The following PLXNA4 variants were observed in gnomAD, a reference collection of about 807,000 sequenced individuals.
PLXNA4 encodes the protein plexin-A4.
A neutral mutation model predicts 191.8 loss-of-function variants in PLXNA4; 44 were observed. The ratio of observed to expected loss-of-function variants is 0.23; its 90% CI spans 0.18 to 0.29. The LOEUF is 0.29. Ranked by LOEUF, PLXNA4 falls within the 10% of genes least tolerant of loss-of-function variation. The probability of loss-of-function intolerance (pLI) is 1.00; values close to 1 mark genes in which losing one functional copy is unlikely to be tolerated. For missense variants in PLXNA4, 1,800 were observed against 2,488.8 expected (o/e 0.72, Z 5.89); for synonymous variants, 1,082 against 1,009.5 (o/e 1.07, Z -1.36).
intron 3 of PLXNA4, among the ~76,000 whole-genome samples, chr7:132,380,620 A>G (rs10240737): frequency 0.22 from 34,176 of 152,186 alleles, 5,886 homozygotes; most frequent in African/African-American, 0.47. Context: ...AGTCCTCCAC[A>G]GAGAGGCAGA....
intron 1 of PLXNA4, among the ~76,000 whole-genome samples, chr7:132,563,891 GCTC>G (rs529191672): frequency 2.9e-4 from 14 of 48,594 alleles, no homozygotes; most frequent in South Asian, 9.1e-4. Flanking sequence ...TCCTTCTGCT[GCTC>G]CTCCTCCTCC....
At position 132,179,871 on chromosome 7, in the gene PLXNA4, C is replaced by G. The variant is rs762844713; in HGVS notation, c.3690G>C (p.Pro1230=). The change falls in exon 20 of 32, where the codon CCG becomes CCC. Residue 1230 remains proline (P), a synonymous_variant. Coordinates refer to ENST00000321063, the MANE Select transcript of PLXNA4 (RefSeq NM_020911.2). ...EYSPGMVYIA[P]DSPLSLPAIV... ...TGGCGGGCAGGCTGAGCGGGCTGTCCGGGGCAATGTACACCATCCCCGGGG... is the reference window on the plus strand; with the variant it reads ...TGGCGGGCAGGCTGAGCGGGCTGTCGGGGGCAATGTACACCATCCCCGGGG... 1 of 1,613,036 alleles carries G rather than the reference C, an allele frequency of 6.2e-7. No homozygotes were observed. The highest frequency in any genetic ancestry group is 2.2e-5 in the East Asian group (1 of 44,850).
intron 3 of PLXNA4, among the ~76,000 whole-genome samples, chr7:132,406,283 G>A (rs1188925174): frequency 6.6e-6 from 1 of 152,078 alleles, no homozygotes; most frequent in Admixed American, 6.5e-5. Flanking sequence ...TATTTTTTCC[G>A]TGGCCCATAA....
intron 3 of PLXNA4, among the ~76,000 whole-genome samples, chr7:132,369,724 G>T (rs1167554227): frequency 6.6e-6 from 1 of 152,050 alleles, no homozygotes; most frequent in African/African-American, 2.4e-5. Flanking sequence ...ATAGAGGAGT[G>T]ATTTTGATTC....
chr7:132,404,790 T>C (rs1478970137), intron 3 of PLXNA4, among the ~76,000 whole-genome samples: 1 of 152,054 alleles, frequency 6.6e-6, no homozygotes, highest in Non-Finnish European at 1.5e-5. Flanking sequence ...TGGTGTAGGT[T>C]GTGATTATTA....
intron 3 of PLXNA4, among the ~76,000 whole-genome samples, chr7:132,412,106 C>T (rs190695241): frequency 8.5e-5 from 13 of 152,326 alleles, no homozygotes; most frequent in Admixed American, 8.5e-4. Context: ...CAGCTCCTCA[C>T]ATTCTTTAGG....
chr7:132,344,189 C>A (rs1251202838), intron 3 of PLXNA4, among the ~76,000 whole-genome samples: 2 of 152,272 alleles, frequency 1.3e-5, no homozygotes, highest in African/African-American at 4.8e-5. Flanking sequence ...CTGTCCACAG[C>A]ACAGAAGGGG....
At position 132,194,164 on chromosome 7, in the gene PLXNA4, C is replaced by G. The variant is rs199612236; in HGVS notation, c.2754G>C (p.Met918Ile). The change falls in exon 14 of 32, where the codon ATG (methionine) becomes ATC (isoleucine). Residue 918 changes from methionine (M) to isoleucine (I), a missense_variant. This residue lies in a region of PLXNA4 where 1,397 missense variants were observed against 1,880.4 expected (regional missense o/e 0.74). Transcript: ENST00000321063. ...YIPAEQIVCE[M>I]GEAKPSQHAG... ...CATGCTGGCTGGGCTTGGCCTCCCC[C>G]ATCTCACACACGATCCTGCAGGGAG... is the stretch of plus-strand genomic sequence containing the variant. 412 of 1,613,614 alleles carry G rather than the reference C, an allele frequency of 2.6e-4. 3 individuals carry two copies. The highest frequency in any genetic ancestry group is 4.2e-5 in the Non-Finnish European group (50 of 1,179,652).
chr7:132,206,841 G>C (rs903064821), intron 10 of PLXNA4, among the ~76,000 whole-genome samples: 1 of 152,134 alleles, frequency 6.6e-6, no homozygotes, highest in Non-Finnish European at 1.5e-5. Flanking sequence ...ATAGCTCTCT[G>C]TAATCAGCAG....
At chr7:132,269,467 C>T (rs1468794949) in intron 4 of PLXNA4, among the ~76,000 whole-genome samples, 2 of 151,200 alleles carry the variant, frequency 1.3e-5, no homozygotes, top group Non-Finnish European at 2.9e-5. Flanking sequence ...AAGGATGCTG[C>T]TCATGATGCC....
upstream of PLXNA4, among the ~76,000 whole-genome samples, chr7:132,582,031 G>C (rs1802411382): frequency 1.3e-5 from 2 of 152,220 alleles, no homozygotes; most frequent in South Asian, 2.1e-4. Context: ...GATCTGGCCA[G>C]AGCCATGTCT....
Position 132,344,330 on chromosome 7 carries a change from G to A in PLXNA4, c.1372-46108C>T, listed in dbSNP as rs570261315. ...TATTATCATTTTCTACATGTGCTAC[G>A]ATATGATTAAGGACTACTGAAATTT... On this transcript the variant is annotated intron_variant, in intron 3 of 31. Transcript: ENST00000321063. 3.9e-5 allele frequency among the ~76,000 whole-genome samples: 6 copies of A among 152,230 alleles called. No homozygotes were observed. In the East Asian group the frequency reaches 5.8e-4, roughly 15 times the overall value.
chr7:132,548,829 CA>C (rs1478635480), intron 1 of PLXNA4, among the ~76,000 whole-genome samples: 2 of 152,142 alleles, frequency 1.3e-5, no homozygotes, highest in Non-Finnish European at 2.9e-5. Context: ...GCTGATAAAA[CA>C]GGATGTGGTG....
At chr7:132,391,391 A>C (rs1805404921) in intron 3 of PLXNA4, among the ~76,000 whole-genome samples, 1 of 152,222 alleles carries the variant, frequency 6.6e-6, no homozygotes, top group South Asian at 2.1e-4. Context: ...GTTACTGGGG[A>C]CAGCTTGTGC....
At chr7:132,401,184 T>C (rs1793968756) in intron 3 of PLXNA4, among the ~76,000 whole-genome samples, 1 of 152,240 alleles carries the variant, frequency 6.6e-6, no homozygotes. Flanking sequence ...ACCAGTCAAT[T>C]TTCCATTTGT....
At chr7:132,527,984 C>T (rs969655119) in intron 1 of PLXNA4, among the ~76,000 whole-genome samples, 1 of 152,212 alleles carries the variant, frequency 6.6e-6, no homozygotes, top group Admixed American at 6.5e-5. Flanking sequence ...CAGAAACCAC[C>T]TTACAAGGGC....
At chr7:132,338,808 C>T (rs551838032) in intron 3 of PLXNA4, among the ~76,000 whole-genome samples, 1 of 152,280 alleles carries the variant, frequency 6.6e-6, no homozygotes, top group African/African-American at 2.4e-5. Flanking sequence ...ACCCCAACCA[C>T]CCACTTCCCT....
In PLXNA4 at chr7:132,521,177, TGAAAAAA is replaced by T. The variant is rs1482449744; in HGVS notation, c.-86-12405_-86-12399del. Reference sequence around the variant, plus strand: ...GCTGAACGGAGATATATTTGCTCCTTGAAAAAAAAAAAAAAAAAAAAAAAATTCAGAA... The same window carrying T: ...GCTGAACGGAGATATATTTGCTCCTTAAAAAAAAAAAAAAAAAATTCAGAA... On this transcript the variant is annotated intron_variant, in intron 1 of 31. Transcript: ENST00000321063. 3.7e-3 allele frequency among the ~76,000 whole-genome samples: 432 copies of T among 115,624 alleles called. 3 individuals are homozygous for T. The highest frequency in any genetic ancestry group is 0.011 in the African/African-American group (348 of 30,522). 75.9% of individuals were successfully genotyped at this position (115,624 alleles called of 152,430 possible).
rs747975535 is a variant in PLXNA4, at chr7:132,223,645, G to A, written c.1983-4C>T. Reference sequence around the variant, plus strand: ...ACTCTCCACGCAGGACAGGCACCTGGGCACAGGGGAAGGGAGGCACAAATC... The same window carrying A: ...ACTCTCCACGCAGGACAGGCACCTGAGCACAGGGGAAGGGAGGCACAAATC... On this transcript the variant is annotated splice_region_variant and splice_polypyrimidine_tract_variant and intron_variant, in intron 8 of 31. Coordinates refer to ENST00000321063, the MANE Select transcript of PLXNA4 (RefSeq NM_020911.2). 1 of 1,611,512 alleles carries A rather than the reference G, an allele frequency of 6.2e-7. No homozygotes were observed. The highest frequency in any genetic ancestry group is 8.5e-7 in the Non-Finnish European group (1 of 1,178,586).
Sources: gnomAD v4.1 joint callset for allele counts (sites outside exome capture counted in the v4.1 genomes callset) on GRCh38, gnomAD v4.1.1 for gene constraint, gnomAD v4.1.1 regional missense constraint, MANE v1.5 for transcripts, NCBI Gene and HGNC (gene_info 2026-07-23, HGNC 2026-07-21) for gene names.